SIRPG: variants seen among roughly 807,000 people sequenced by gnomAD.
SIRPG encodes the protein signal regulatory protein gamma.
SIRPG carries 38 observed loss-of-function variants against 35.7 expected under a neutral mutation model. That is an observed-to-expected ratio of 1.06 (90% CI 0.82 to 1.40). The LOEUF is 1.40. Among genes scored for constraint, SIRPG ranks in the 40% most tolerant of loss-of-function variants. The pLI is 0.00. For missense variants in SIRPG, 519 were observed against 483.0 expected (o/e 1.07, Z -0.70); for synonymous variants, 215 against 190.4 (o/e 1.13, Z -1.06).
At chr20:1,655,120 G>A (rs1600227857) in intron 1 of SIRPG, among the ~76,000 whole-genome samples, 1 of 152,138 alleles carries the variant, frequency 6.6e-6, no homozygotes, top group African/African-American at 2.4e-5. Flanking sequence ...ACAGTATGCA[G>A]GTTCCTCAAG....
intron 4 of SIRPG, chr20:1,630,569 T>C (rs2091742069): frequency 2.5e-6 from 1 of 400,134 alleles, no homozygotes; most frequent in African/African-American, 2.1e-5. Flanking sequence ...TATTCATACA[T>C]GTGGCAACGG....
chr20:1,650,804 A>G (rs2091935818), intron 1 of SIRPG, among the ~76,000 whole-genome samples: 2 of 152,258 alleles, frequency 1.3e-5, no homozygotes, highest in African/African-American at 2.4e-5. Flanking sequence ...GACCCACACT[A>G]AGGTACATTA....
the SIRPG span, among the ~76,000 whole-genome samples, chr20:1,672,290 T>A: frequency 6.6e-6 from 1 of 152,228 alleles, no homozygotes; most frequent in African/African-American, 2.4e-5. Flanking sequence ...TACACCGAGA[T>A]CTCTCTGAGG....
the SIRPG span, among the ~76,000 whole-genome samples, chr20:1,672,890 G>A: frequency 6.6e-6 from 1 of 152,110 alleles, no homozygotes; most frequent in Non-Finnish European, 1.5e-5. Flanking sequence ...GCCAAAGGTG[G>A]TTAATGTTTT....
chr20:1,659,082 A>G (rs547322981), upstream of SIRPG, among the ~76,000 whole-genome samples: 1 of 152,340 alleles, frequency 6.6e-6, no homozygotes, highest in African/African-American at 2.4e-5. Context: ...AGCCATACTG[A>G]ATGCTTGACT....
At chr20:1,677,226 A>G in the SIRPG span, among the ~76,000 whole-genome samples, 1 of 152,146 alleles carries the variant, frequency 6.6e-6, no homozygotes, top group Non-Finnish European at 1.5e-5. Flanking sequence ...GAGGACCTGA[A>G]TGGAGCTCCT....
At chr20:1,636,829 C>T (rs570423454) in intron 2 of SIRPG, among the ~76,000 whole-genome samples, 23 of 152,230 alleles carry the variant, frequency 1.5e-4, no homozygotes, top group Middle Eastern at 6.8e-3. Context: ...TGTGTATTAA[C>T]TGGTGCTAGC....
the SIRPG span, among the ~76,000 whole-genome samples, chr20:1,663,229 C>T: frequency 0.24 from 36,945 of 152,008 alleles, 5,215 homozygotes; most frequent in East Asian, 0.6. Context: ...AGGAGAATGG[C>T]GTGAACCTGG....
chr20:1,631,087 C>T (rs1368529099), intron 4 of SIRPG, among the ~76,000 whole-genome samples: 1 of 152,152 alleles, frequency 6.6e-6, no homozygotes, highest in African/African-American at 2.4e-5. Flanking sequence ...TGTTTGGACG[C>T]TGCATTTTTA....
the SIRPG span, among the ~76,000 whole-genome samples, chr20:1,671,857 G>A: frequency 2.0e-5 from 3 of 152,202 alleles, no homozygotes; most frequent in African/African-American, 7.2e-5. Flanking sequence ...CCTTTAAGTG[G>A]TTTTCCACCC....
chr20:1,636,846 C>T (rs2091807468), intron 2 of SIRPG, among the ~76,000 whole-genome samples: 1 of 150,876 alleles, frequency 6.6e-6, no homozygotes, highest in South Asian at 2.1e-4. Flanking sequence ...TAGCCTGTTT[C>T]CCCAGGAGAG....
the SIRPG span, among the ~76,000 whole-genome samples, chr20:1,662,982 A>G: frequency 6.6e-6 from 1 of 152,010 alleles, no homozygotes; most frequent in African/African-American, 2.4e-5. Flanking sequence ...TGTTTTGGGG[A>G]AGACTCAGAG....
At chr20:1,682,985 T>G in the SIRPG span, among the ~76,000 whole-genome samples, 1 of 152,210 alleles carries the variant, frequency 6.6e-6, no homozygotes, top group African/African-American at 2.4e-5. Flanking sequence ...AAAATATATT[T>G]GCAAATTATA....
upstream of SIRPG, among the ~76,000 whole-genome samples, chr20:1,659,355 T>C (rs149195730): frequency 1.2e-4 from 18 of 152,378 alleles, no homozygotes; most frequent in East Asian, 1.7e-3. Context: ...TGTTTTAATG[T>C]GGCAGATGTA....
At chr20:1,629,897 T>C (rs2091734946) in intron 5 of SIRPG, among the ~76,000 whole-genome samples, 1 of 152,182 alleles carries the variant, frequency 6.6e-6, no homozygotes, top group Admixed American at 6.5e-5. Flanking sequence ...TAGTTTACAA[T>C]GTGGATTTCT....
At chr20:1,664,835 C>A in the SIRPG span, among the ~76,000 whole-genome samples, 1 of 152,166 alleles carries the variant, frequency 6.6e-6, no homozygotes, top group Non-Finnish European at 1.5e-5. Flanking sequence ...GCGCCCTTTC[C>A]CGCATCCCTT....
At chr20:1,661,896 C>T (rs2091996931), upstream of SIRPG, among the ~76,000 whole-genome samples, 1 of 152,176 alleles carries the variant, frequency 6.6e-6, no homozygotes, top group Non-Finnish European at 1.5e-5. Flanking sequence ...TCCCATGACC[C>T]TTCCTCATTG....
chr20:1,637,589 G>A (rs1307208950), intron 2 of SIRPG: 4 of 152,408 alleles, frequency 2.6e-5, no homozygotes, highest in African/African-American at 7.2e-5. Context: ...ATTTCCTTTG[G>A]CCTTCCTATC....
chr20:1,636,985 A>G (rs1384866853), intron 2 of SIRPG, among the ~76,000 whole-genome samples: 2 of 152,192 alleles, frequency 1.3e-5, no homozygotes, highest in Non-Finnish European at 2.9e-5. Flanking sequence ...GCAGCCCCTC[A>G]TCTGCAAAGT....
Sources: gnomAD v4.1 joint callset for allele counts (sites outside exome capture counted in the v4.1 genomes callset) on GRCh38, gnomAD v4.1.1 for gene constraint, MANE v1.5 for transcripts, NCBI Gene and HGNC (gene_info 2026-07-23, HGNC 2026-07-21) for gene names.